Variants in GCN1 observed in about 807,000 individuals in gnomAD.
The protein encoded by GCN1 is GCN1 activator of EIF2AK4.
In GCN1, 90 loss-of-function variants were observed where a neutral mutation model predicts 288.4. That is an observed-to-expected ratio of 0.31 (90% CI 0.26 to 0.37). The LOEUF is 0.37. Ranked by LOEUF, GCN1 falls within the 10% of genes least tolerant of loss-of-function variation. The pLI, the probability that GCN1 is intolerant of heterozygous loss-of-function variation, is 1.00. For missense variants in GCN1, 2,586 were observed against 3,419.9 expected, an observed-to-expected ratio of 0.76 and a Z score of 6.08; for synonymous variants, 1,386 against 1,420.2, an observed-to-expected ratio of 0.98 and a Z score of 0.54.
At chr12:120,146,979 GGACTCTGCACCTCT>G (rs1485008863) in intron 38 of GCN1, 59 bp downstream of exon 38, 49 of 820,460 alleles carry the variant, frequency 6.0e-5, no homozygotes, top group Non-Finnish European at 8.4e-5. Flanking sequence ...TCTAATGTGG[GGACTCTGCACCTCT>G]GACTCTGCAC....
At chr12:120,159,550 T>C (rs1435848388) in intron 24 of GCN1, among the ~76,000 whole-genome samples, 1 of 152,238 alleles carries the variant, frequency 6.6e-6, no homozygotes, top group East Asian at 1.9e-4. Flanking sequence ...TCTGACTTCT[T>C]AGTTTTAAAA....
At chr12:120,180,678 T>C (rs1245165254) in intron 5 of GCN1, among the ~76,000 whole-genome samples, 1 of 151,138 alleles carries the variant, frequency 6.6e-6, no homozygotes, top group Non-Finnish European at 1.5e-5. Context: ...TCGTGTGAAC[T>C]GCCACCCTCA....
intron 37 of GCN1, among the ~76,000 whole-genome samples, chr12:120,147,712 G>A (rs968403518): frequency 2.6e-5 from 4 of 152,174 alleles, no homozygotes; most frequent in Admixed American, 2.0e-4. Flanking sequence ...ACTGGGCACT[G>A]GCAGCTGAAG....
intron 22 of GCN1, among the ~76,000 whole-genome samples, chr12:120,160,830 A>C (rs1037317541): frequency 6.6e-6 from 1 of 152,244 alleles, no homozygotes; most frequent in Admixed American, 6.5e-5. Flanking sequence ...ATAGATAATA[A>C]ACAAGTCAAC....
rs778299967 is a variant in GCN1 at position 120,144,361 on chromosome 12, C to T, written c.5440G>A (p.Ala1814Thr). 3 of 1,614,236 alleles carry T rather than the reference C, an allele frequency of 1.9e-6. No homozygotes were observed. Among genetic ancestry groups the T allele is most frequent in the Non-Finnish European group, 2.5e-6 (3 of 1,180,022 alleles). Residue 1814 changes from alanine to threonine, a missense_variant, in exon 42 of 58, where the codon GCC becomes ACC. Ala to Thr is a moderately conservative substitution (Grantham distance 58). This residue lies in a region of GCN1 where 371 missense variants were observed against 572.6 expected (regional missense o/e 0.65). Coordinates refer to ENST00000300648, the MANE Select transcript of GCN1 (RefSeq NM_006836.2). This position sits in a 1 kb window ranked among gnomAD's most constrained non-coding sequence, Gnocchi z 4.7. Reference protein sequence around the residue: ...VISMYAETAIALLLPQLEQGL... With the variant: ...VISMYAETAITLLLPQLEQGL... ...TGCTCTAGCTGGGGCAGCAGCAGGG[C>T]GATGGCTGTCTCAGCGTACATGGAG... is the stretch of plus-strand genomic sequence containing the variant.
chr12:120,157,950 T>C lies in GCN1; in HGVS notation c.2986A>G (p.Ser996Gly), dbSNP rs1302672056. 6.2e-7 allele frequency: 1 copy of C among 1,613,872 alleles called. No homozygotes were observed. Among genetic ancestry groups the C allele is most frequent in the Non-Finnish European group, 8.5e-7 (1 of 1,179,880 alleles). ...GCCATCCACTCCTCCTCCTCCTCAC[T>C]GTGGTGGGGCATCTCCGTCAGCACC... ...KMVLTEMPHH[S>G]EEEEEWMAQI... The change falls in exon 26 of 58, where the codon AGT (serine) becomes GGT (glycine). Residue 996 changes from serine to glycine, a missense_variant. Physicochemically the swap from Ser to Gly is moderately conservative, Grantham distance 56. Transcript: ENST00000300648.
chr12:120,141,431 T>G (rs1352455938), intron 44 of GCN1, among the ~76,000 whole-genome samples: 3 of 152,202 alleles, frequency 2.0e-5, no homozygotes, highest in Non-Finnish European at 4.4e-5. Flanking sequence ...AAACCCTTCT[T>G]TAGAGCCAAA....
chr12:120,184,773 C>A (rs1399256690), intron 3 of GCN1, 51 bp downstream of exon 3: 1 of 1,312,324 alleles, frequency 7.6e-7, no homozygotes, highest in Non-Finnish European at 1.1e-6. Flanking sequence ...TACTCTAAAT[C>A]CCCTCTCTGT....
chr12:120,155,151 G>A lies in GCN1; in HGVS notation c.3630+90C>T, dbSNP rs1052854546. On this transcript the variant is annotated intron_variant, in intron 30 of 57. Transcript: ENST00000300648. This position sits in a 1 kb window ranked among gnomAD's most constrained non-coding sequence, Gnocchi z 4.9. Reference sequence around the variant, plus strand: ...GCTACCCTGAGCCACCGTGAGCCCCGAGATTCCTGTCTGGAGCAGTAGCGG... The same window carrying A: ...GCTACCCTGAGCCACCGTGAGCCCCAAGATTCCTGTCTGGAGCAGTAGCGG... The A allele has an allele frequency of 8.4e-5, 128 of 1,529,082 alleles. No individual in the cohort carries two copies. The highest frequency in any genetic ancestry group is 1.7e-4 in the Middle Eastern group (1 of 5,916). 94.7% of individuals were successfully genotyped at this position (1,529,082 alleles called of 1,614,324 possible). A position where few individuals can be genotyped will look rare whatever the true frequency, so the allele number is the denominator to read the frequency against.
intron 33 of GCN1, among the ~76,000 whole-genome samples, chr12:120,151,945 G>A (rs1249737321): frequency 1.3e-5 from 2 of 152,206 alleles, no homozygotes; most frequent in Admixed American, 1.3e-4. Flanking sequence ...CTCTTTTGCT[G>A]CTTAGGCTTT....
Position 120,161,943 on chromosome 12 carries a change from C to T in GCN1, c.2279G>A (p.Arg760Gln), listed in dbSNP as rs770300490. 5.7e-5 allele frequency: 92 copies of T among 1,614,004 alleles called. No homozygotes were observed. Among genetic ancestry groups the T allele is most frequent in the Non-Finnish European group, 7.0e-5 (83 of 1,180,034 alleles). ...VQNPALRLVT[R>Q]EEFAIMQTPA... ...GGTCTGCATAATGGCAAACTCCTCCCGCGTCACCAGGCGCAGTGCAGGGTT... is the reference window on the plus strand; with the variant it reads ...GGTCTGCATAATGGCAAACTCCTCCTGCGTCACCAGGCGCAGTGCAGGGTT... The change falls in exon 21 of 58, where the codon CGG becomes CAG. Residue 760 changes from arginine (R) to glutamine (Q), a missense_variant. This residue lies in a region of GCN1 where 913 missense variants were observed against 1,107.0 expected (regional missense o/e 0.82). Transcript: ENST00000300648.
chr12:120,152,736 A>C (rs1384666940), intron 33 of GCN1, among the ~76,000 whole-genome samples: 1 of 150,656 alleles, frequency 6.6e-6, no homozygotes, highest in African/African-American at 2.4e-5. Flanking sequence ...AAAGAAATTT[A>C]TTTGCACTGT....
intron 1 of GCN1, among the ~76,000 whole-genome samples, chr12:120,193,160 C>T (rs1297226969): frequency 6.6e-6 from 1 of 152,372 alleles, no homozygotes; most frequent in East Asian, 1.9e-4. Context: ...CGAGACCAGC[C>T]TGGCCAACAT....
At position 120,155,610 on chromosome 12, in the gene GCN1, A is replaced by G. The variant is rs776312666; in HGVS notation, c.3422T>C (p.Ile1141Thr). The G allele has an allele frequency of 1.2e-6, 2 of 1,614,002 alleles. No individual in the cohort carries two copies. The highest frequency in any genetic ancestry group is 1.7e-6 in the Non-Finnish European group (2 of 1,179,968). The change falls in exon 29 of 58, where the codon ATC becomes ACC. Residue 1141 changes from isoleucine to threonine, a missense_variant. Transcript: ENST00000300648. The surrounding 1 kb of genome is among the most constrained non-coding windows in gnomAD (Gnocchi z 4.9). ...CTCTCACCTCTCAGCCAGCTTCCGG[A>G]TCTCCTCCTCCTTGTCAAACTTGAC... ...WVVKFDKEEE[I>T]RKLAERLWSM...
chr12:120,129,514 C>T lies in GCN1; in HGVS notation c.7672-20G>A. On this transcript the variant is annotated intron_variant, in intron 56 of 57. Transcript: ENST00000300648. Reference sequence around the variant, plus strand: ...CAGACACTGTAAAAAGAACCACAAACAGGCTTTTGGATAGGCATGTCATCT... The same window carrying T: ...CAGACACTGTAAAAAGAACCACAAATAGGCTTTTGGATAGGCATGTCATCT... 1 of 1,576,328 alleles carries T rather than the reference C, an allele frequency of 6.3e-7. No homozygotes were observed. Among genetic ancestry groups the T allele is most frequent in the East Asian group, 2.2e-5 (1 of 44,710 alleles).
intron 2 of GCN1, 55 bp downstream of exon 2, chr12:120,190,237 AAAAAAG>A: frequency 2.1e-6 from 2 of 960,300 alleles, no homozygotes; most frequent in Non-Finnish European, 3.3e-6. Flanking sequence ...AAAAAAAAAA[AAAAAAG>A]AAAGAAAGAA....
intron 1 of GCN1, among the ~76,000 whole-genome samples, chr12:120,191,022 A>G (rs1878986662): frequency 6.6e-6 from 1 of 152,188 alleles, no homozygotes; most frequent in Non-Finnish European, 1.5e-5. Context: ...TCTCATCTAT[A>G]AGATGCGGAC....
intron 1 of GCN1, 106 bp downstream of exon 1, chr12:120,194,574 C>T: frequency 9.4e-7 from 1 of 1,061,056 alleles, no homozygotes; most frequent in Admixed American, 2.3e-5. Flanking sequence ...CCTCCACAGC[C>T]ACCACCTCCA....
At position 120,153,343 on chromosome 12, in the gene GCN1, C is replaced by T. The variant is rs761596143; in HGVS notation, c.3932G>A (p.Ser1311Asn). Residue 1311 changes from serine (S) to asparagine (N), a missense_variant, in exon 33 of 58, where the codon AGC becomes AAC. Transcript: ENST00000300648. This position sits in a 1 kb window ranked among gnomAD's most constrained non-coding sequence, Gnocchi z 4.4. ...CACACTCTGTCGCACAGCATCATAG[C>T]TGGCATCATTGGGCGCGTTCTTCAG... Reference protein sequence around the residue: ...EFLKNAPNDASYDAVRQSVVV... With the variant: ...EFLKNAPNDANYDAVRQSVVV... 4 of 1,614,210 alleles carry T rather than the reference C, an allele frequency of 2.5e-6. No individual in the cohort carries two copies. The highest frequency in any genetic ancestry group is 3.4e-6 in the Non-Finnish European group (4 of 1,180,012).
Sources: allele counts gnomAD v4.1 joint callset (sites outside exome capture counted in the v4.1 genomes callset), GRCh38; gene constraint gnomAD v4.1.1; regional missense constraint gnomAD v4.1.1; non-coding constraint Gnocchi (gnomAD v3.1); transcripts MANE v1.5; gene names NCBI Gene and HGNC (gene_info 2026-07-23, HGNC 2026-07-21).